Variants in LHFPL6 observed in about 807,000 individuals in gnomAD.
The protein encoded by LHFPL6 is LHFPL tetraspan subfamily member 6.
In LHFPL6, 9 loss-of-function variants were observed where a neutral mutation model predicts 20.6. The ratio of observed to expected loss-of-function variants is 0.44; its 90% CI spans 0.26 to 0.76. The LOEUF (loss-of-function observed/expected upper bound fraction) is 0.76. Among genes scored for constraint, LHFPL6 ranks in the 30% least tolerant of loss-of-function variants. LHFPL6 has a pLI of 0.20. For synonymous variants in LHFPL6, 105 were observed against 98.7 expected (o/e 1.06, Z -0.38); for missense variants, 218 against 253.5 (o/e 0.86, Z 0.95).
intron 2 of LHFPL6, among the ~76,000 whole-genome samples, chr13:39,585,741 ACT>A: frequency 6.6e-6 from 1 of 152,108 alleles, no homozygotes; most frequent in East Asian, 1.9e-4. Flanking sequence ...GCCCAATGGG[ACT>A]CTCTTAGCCT....
At chr13:39,424,140 C>A (rs925294339) in intron 2 of LHFPL6, among the ~76,000 whole-genome samples, 5 of 152,120 alleles carry the variant, frequency 3.3e-5, no homozygotes, top group African/African-American at 1.2e-4. Flanking sequence ...AGAAAATTAT[C>A]GTTTTTCCTA....
chr13:39,484,941 G>A (rs1375413391), intron 2 of LHFPL6, among the ~76,000 whole-genome samples: 1 of 152,086 alleles, frequency 6.6e-6, no homozygotes, highest in Non-Finnish European at 1.5e-5. Context: ...TGAATAGCCA[G>A]AAGAAACTTT....
At chr13:39,497,562 T>C (rs1199563988) in intron 2 of LHFPL6, among the ~76,000 whole-genome samples, 2 of 152,220 alleles carry the variant, frequency 1.3e-5, no homozygotes, top group Admixed American at 6.5e-5. Context: ...GCATAATTTA[T>C]TCCTCTCTAG....
intron 2 of LHFPL6, among the ~76,000 whole-genome samples, chr13:39,561,594 C>G (rs1443576510): frequency 6.6e-6 from 1 of 152,180 alleles, no homozygotes; most frequent in African/African-American, 2.4e-5. Context: ...TCCCAAGTAG[C>G]TGGAATCATA....
At chr13:39,560,395 G>A (rs975101811) in intron 2 of LHFPL6, among the ~76,000 whole-genome samples, 1 of 151,616 alleles carries the variant, frequency 6.6e-6, no homozygotes, top group Non-Finnish European at 1.5e-5. Flanking sequence ...TGTCTCCCAA[G>A]CCTGTGGAAG....
intron 2 of LHFPL6, among the ~76,000 whole-genome samples, chr13:39,472,621 G>T (rs116510948): frequency 0.022 from 3,387 of 151,626 alleles, 123 homozygotes; most frequent in African/African-American, 0.076. Flanking sequence ...TAATTTTTTT[G>T]TGTGTGTGAT....
chr13:39,597,176 A>G (rs1024225805), intron 2 of LHFPL6, among the ~76,000 whole-genome samples: 1 of 152,242 alleles, frequency 6.6e-6, no homozygotes, highest in African/African-American at 2.4e-5. Context: ...TATATGACTA[A>G]CGATCAAACT....
intron 2 of LHFPL6, among the ~76,000 whole-genome samples, chr13:39,566,687 TG>T (rs1172968018): frequency 7.2e-6 from 1 of 138,660 alleles, no homozygotes; most frequent in Non-Finnish European, 1.5e-5. Flanking sequence ...GAGCTGAGAT[TG>T]CACTACTGCA....
At chr13:39,400,489 G>A (rs1160024955) in intron 2 of LHFPL6, among the ~76,000 whole-genome samples, 5 of 152,154 alleles carry the variant, frequency 3.3e-5, no homozygotes, top group Non-Finnish European at 7.4e-5. Context: ...TCAGACTACT[G>A]TAAGAATGGC....
At chr13:39,450,487 T>C (rs1261709719) in intron 2 of LHFPL6, among the ~76,000 whole-genome samples, 2 of 152,168 alleles carry the variant, frequency 1.3e-5, no homozygotes, top group Non-Finnish European at 2.9e-5. Context: ...CTTAAAACAA[T>C]ATGTATGTGT....
chr13:39,512,390 CAGG>C (rs1284451788), intron 2 of LHFPL6, among the ~76,000 whole-genome samples: 1 of 151,920 alleles, frequency 6.6e-6, no homozygotes, highest in African/African-American at 2.4e-5. Context: ...ATCACGAGGT[CAGG>C]TGATCGAGAC....
intron 3 of LHFPL6, 150 bp downstream of exon 3, chr13:39,378,278 A>G (rs946035390): frequency 3.1e-4 from 188 of 613,924 alleles, no homozygotes; most frequent in Non-Finnish European, 5.2e-4. Flanking sequence ...TTCACTAAAT[A>G]AATGGATACA....
chr13:39,525,108 C>T lies in LHFPL6; in HGVS notation c.385+75724G>A, dbSNP rs185191598. Reference sequence around the variant, plus strand: ...GATAAATGCTCAGGGCGTTTGAGTTCGATACAAAGGAACCAGAGAAGACAC... The same window carrying T: ...GATAAATGCTCAGGGCGTTTGAGTTTGATACAAAGGAACCAGAGAAGACAC... On this transcript the variant is annotated intron_variant, in intron 2 of 3. Transcript: ENST00000379589. Among the ~76,000 whole-genome samples the T allele has an allele frequency of 2.4e-3, 363 of 152,224 alleles. 2 individuals carry two copies. The highest frequency in any genetic ancestry group is 4.2e-3 in the Non-Finnish European group (286 of 68,004).
intron 2 of LHFPL6, among the ~76,000 whole-genome samples, chr13:39,573,207 G>C (rs1871990060): frequency 6.6e-6 from 1 of 152,120 alleles, no homozygotes; most frequent in South Asian, 2.1e-4. Flanking sequence ...AGGTGAAAAT[G>C]TGGAATAGAG....
At chr13:39,392,593 TCAAAACAAAACAAAA>T (rs3032906) in intron 2 of LHFPL6, among the ~76,000 whole-genome samples, 2 of 150,998 alleles carry the variant, frequency 1.3e-5, no homozygotes, top group Non-Finnish European at 2.9e-5. Context: ...AAACTCCGTC[TCAAAACAAAACAAAA>T]CAAAACAAAA....
At chr13:39,568,485 C>T (rs1180720399) in intron 2 of LHFPL6, among the ~76,000 whole-genome samples, 1 of 151,972 alleles carries the variant, frequency 6.6e-6, no homozygotes, top group African/African-American at 2.4e-5. Context: ...GTAAACAGAG[C>T]AAAACACCAT....
chr13:39,377,403 A>G (rs1870318191), intron 3 of LHFPL6, among the ~76,000 whole-genome samples: 2 of 152,214 alleles, frequency 1.3e-5, no homozygotes, highest in Non-Finnish European at 2.9e-5. Context: ...CCATACAATG[A>G]TAAGTGTTTT....
intron 2 of LHFPL6, among the ~76,000 whole-genome samples, chr13:39,490,095 C>CA (rs1555264627): frequency 2.0e-3 from 139 of 68,050 alleles, no homozygotes; most frequent in Middle Eastern, 6.8e-3. Flanking sequence ...AACAAACAAA[C>CA]AAAAAAAAAA....
At chr13:39,387,144 C>T (rs1282161504) in intron 2 of LHFPL6, among the ~76,000 whole-genome samples, 3 of 152,122 alleles carry the variant, frequency 2.0e-5, no homozygotes, top group Admixed American at 6.5e-5. Context: ...CACTCATTCA[C>T]AATATTTGTT....
Sources: gnomAD v4.1 joint callset for allele counts (sites outside exome capture counted in the v4.1 genomes callset) on GRCh38, gnomAD v4.1.1 for gene constraint, MANE v1.5 for transcripts, NCBI Gene and HGNC (gene_info 2026-07-23, HGNC 2026-07-21) for gene names.